The following STOML1 variants were observed in gnomAD, a reference collection of about 807,000 sequenced individuals.
STOML1 encodes stomatin-like protein 1.
A neutral mutation model predicts 35.7 loss-of-function variants in STOML1; 27 were observed. The ratio of observed to expected loss-of-function variants is 0.76; its 90% CI spans 0.56 to 1.04. The LOEUF (loss-of-function observed/expected upper bound fraction) is 1.04, where lower values mean the gene tolerates loss of function less well. Among genes scored for constraint, STOML1 ranks in the 50% least tolerant of loss-of-function variants. The probability of loss-of-function intolerance (pLI) is 0.00; values close to 1 mark genes in which losing one functional copy is unlikely to be tolerated. For missense variants in STOML1, 451 were observed against 527.1 expected, an observed-to-expected ratio of 0.86 and a Z score of 1.41; for synonymous variants, 219 against 227.9, an observed-to-expected ratio of 0.96 and a Z score of 0.35.
In STOML1 at chr15:73,983,891, T is replaced by G; in HGVS notation, c.*46A>C. ...TCCTCCTCCAAGAGGCCCCTCAGGC[T>G]TGGTGCCAGGCTTGGGACTGGGCTC... On this transcript the variant is annotated 3_prime_UTR_variant, in exon 7 of 7. Coordinates refer to ENST00000541638, the MANE Select transcript of STOML1 (RefSeq NM_004809.5). The G allele has an allele frequency of 6.4e-7, 1 of 1,570,854 alleles. No homozygotes were observed. The highest frequency in any genetic ancestry group is 8.7e-7 in the Non-Finnish European group (1 of 1,155,766).
intron 1 of STOML1, among the ~76,000 whole-genome samples, 187 bp from the exon 2 acceptor site, chr15:73,990,644 C>T (rs2069244974): frequency 6.6e-6 from 1 of 152,212 alleles, no homozygotes; most frequent in African/African-American, 2.4e-5. Context: ...TCTGTTCCCT[C>T]CTCCCATACA....
At chr15:73,990,185 A>G in intron 2 of STOML1, 166 bp downstream of exon 2, 1 of 648,866 alleles carries the variant, frequency 1.5e-6, no homozygotes, top group South Asian at 1.9e-5. Context: ...CCCAAGCCTT[A>G]GTTTCCTCCC....
upstream of STOML1, chr15:73,994,554 A>C (rs1447256564): frequency 1.8e-6 from 1 of 560,518 alleles, no homozygotes; most frequent in Non-Finnish European, 3.2e-6. Context: ...GCTTTACCGT[A>C]AGTCAGCGGT....
upstream of STOML1, chr15:73,994,611 C>T: frequency 1.6e-6 from 1 of 630,502 alleles, no homozygotes; most frequent in South Asian, 1.9e-5. Flanking sequence ...CTGGGCGTGT[C>T]TTTAAAACCC....
chr15:73,990,439 G>A lies in STOML1; in HGVS notation c.152C>T (p.Pro51Leu). The change falls in exon 2 of 7, where the codon CCC becomes CTC. Residue 51 changes from proline to leucine, a missense_variant. Pro to Leu is a moderately conservative substitution (Grantham distance 98). Coordinates refer to ENST00000541638, the MANE Select transcript of STOML1 (RefSeq NM_004809.5). ...GATGAGGCCATGACAGAGGCAGGAG[G>A]GCCAGCTCTGGGGTACATCTGCAGG... ...GTGADVPQSW[P>L]SCLCHGLISF... 3 of 1,613,448 alleles carry A rather than the reference G, an allele frequency of 1.9e-6. No homozygotes were observed. Among genetic ancestry groups the A allele is most frequent in the Non-Finnish European group, 2.5e-6 (3 of 1,179,670 alleles).
At chr15:73,991,148 CA>C (rs955107633) in intron 1 of STOML1, 90 of 381,844 alleles carry the variant, frequency 2.4e-4, no homozygotes, top group South Asian at 4.3e-4. Flanking sequence ...AAAACAAAAA[CA>C]AAAAAAAACC....
In STOML1 at chr15:73,986,843, GGAGCTA is replaced by G. The variant is rs201213016; in HGVS notation, c.595-1336_595-1331del. 221 of 153,668 alleles carry G rather than the reference GGAGCTA, an allele frequency of 1.4e-3. 7 individuals are homozygous for G. The East Asian group carries it at 0.037, about 26-fold the overall frequency. 9.5% of individuals were successfully genotyped at this position (153,668 alleles called of 1,614,324 possible). ...AGAAGAAAAGGGGAGAAAGGGAGTGGGAGCTAGAGGGCACTGTGGCAAAGGGAGGGC... is the reference window on the plus strand; with the variant it reads ...AGAAGAAAAGGGGAGAAAGGGAGTGGGAGGGCACTGTGGCAAAGGGAGGGC... On this transcript the variant is annotated intron_variant, in intron 4 of 6. Coordinates refer to ENST00000541638, the MANE Select transcript of STOML1 (RefSeq NM_004809.5).
chr15:73,989,656 T>G (rs2069204288), intron 2 of STOML1, among the ~76,000 whole-genome samples: 1 of 152,194 alleles, frequency 6.6e-6, no homozygotes, highest in Non-Finnish European at 1.5e-5. Context: ...GAAAGGGCTT[T>G]GTCAACTTTA....
chr15:73,983,873 C>A lies in STOML1; in HGVS notation c.*64G>T, dbSNP rs2069000380. 7 of 1,531,834 alleles carry A rather than the reference C, an allele frequency of 4.6e-6. No individual in the cohort carries two copies. Among genetic ancestry groups the A allele is most frequent in the Admixed American group, 2.0e-5 (1 of 49,452 alleles). The allele number at this position is 1,531,834 out of a possible 1,614,324, so 94.9% of individuals were successfully genotyped here. On this transcript the variant is annotated 3_prime_UTR_variant, in exon 7 of 7. Coordinates refer to ENST00000541638, the MANE Select transcript of STOML1 (RefSeq NM_004809.5). Reference sequence around the variant, plus strand: ...GTGGTGCAGATGAACACCTCCTCCTCCAAGAGGCCCCTCAGGCTTGGTGCC... The same window carrying A: ...GTGGTGCAGATGAACACCTCCTCCTACAAGAGGCCCCTCAGGCTTGGTGCC...
rs1414161358 is a variant in STOML1, at chr15:73,979,335, G to A, written c.*4602C>T. 1 of 152,080 alleles carries A rather than the reference G, an allele frequency of 6.6e-6. No homozygotes were observed. Among genetic ancestry groups the A allele is most frequent in the African/African-American group, 2.4e-5 (1 of 41,422 alleles). The allele number at this position is 152,080 out of a possible 1,614,324, so 9.4% of individuals were successfully genotyped here. A position where few individuals can be genotyped will look rare whatever the true frequency, so the allele number is the denominator to read the frequency against. On this transcript the variant is annotated 3_prime_UTR_variant, in exon 7 of 7. Coordinates refer to ENST00000541638, the MANE Select transcript of STOML1 (RefSeq NM_004809.5). ...TCACATTTGTCAAAGCACCTCAGAT[G>A]ACACTTTTTATTTTATCTTTATTTA...
intron 5 of STOML1, 44 bp downstream of exon 5, chr15:73,985,274 C>T: frequency 6.7e-7 from 1 of 1,499,094 alleles, no homozygotes. Flanking sequence ...TGTGCTGGCA[C>T]CAAGCTGGTA....
chr15:73,984,080 C>A lies in STOML1; in HGVS notation c.1054G>T (p.Val352Leu). Residue 352 changes from valine (V) to leucine (L), a missense_variant, in exon 7 of 7, where the codon GTG (valine) becomes TTG (leucine). Physicochemically the swap from Val to Leu is conservative, Grantham distance 32. Coordinates refer to ENST00000541638, the MANE Select transcript of STOML1 (RefSeq NM_004809.5). ...GVPDGIPDVV[V>L]EMAEADLRAL... ...CGCAGGTCTGCCTCGGCCATCTCCA[C>A]CACCACATCAGGGATGCCATCAGGC... The A allele has an allele frequency of 6.2e-7, 1 of 1,614,026 alleles. No individual in the cohort carries two copies. The highest frequency in any genetic ancestry group is 8.5e-7 in the Non-Finnish European group (1 of 1,179,998).
Position 73,990,456 on chromosome 15 carries a change from A to C in STOML1, c.135T>G (p.Asp45Glu), listed in dbSNP as rs2069236680. Residue 45 changes from aspartate to glutamate, a missense_variant and splice_region_variant, in exon 2 of 7, where the codon GAT (aspartate) becomes GAG (glutamate). Physicochemically the swap from Asp to Glu is conservative, Grantham distance 45. Transcript: ENST00000541638. ...PERGGVGTGADVPQSWPSCLC... is the reference protein window; with the variant it reads ...PERGGVGTGAEVPQSWPSCLC... ...GGCAGGAGGGCCAGCTCTGGGGTAC[A>C]TCTGCAGGTGAGAGCAGAGGTGGTC... 1.2e-6 allele frequency: 2 copies of C among 1,610,132 alleles called. No individual in the cohort carries two copies. Among genetic ancestry groups the C allele is most frequent in the South Asian group, 2.2e-5 (2 of 90,508 alleles).
At position 73,989,199 on chromosome 15, in the gene STOML1, T is replaced by G. The variant is rs750136013; in HGVS notation, c.299A>C (p.Gln100Pro). 6.2e-7 allele frequency: 1 copy of G among 1,612,332 alleles called. No individual in the cohort carries two copies. Among genetic ancestry groups the G allele is most frequent in the South Asian group, 1.1e-5 (1 of 90,842 alleles). ...CAAGAGCAGAACCATGCCAGGTCCCTGGGGGGTGCGGATCCGGCCCAGGCG... is the reference window on the plus strand; with the variant it reads ...CAAGAGCAGAACCATGCCAGGTCCCGGGGGGGTGCGGATCCGGCCCAGGCG... ...VFRLGRIRTPQGPGMVLLLPF... is the reference protein window; with the variant it reads ...VFRLGRIRTPPGPGMVLLLPF... Residue 100 changes from glutamine (Q) to proline (P), a missense_variant, in exon 3 of 7, where the codon CAG becomes CCG. Physicochemically the swap from Gln to Pro is moderately conservative, Grantham distance 76. Transcript: ENST00000541638.
rs1298985883 is a variant in STOML1 at position 73,985,393 on chromosome 15, G to A, written c.715C>T (p.Leu239Phe). Residue 239 changes from leucine (L) to phenylalanine (F), a missense_variant, in exon 5 of 7, where the codon CTC becomes TTC. Coordinates refer to ENST00000541638, the MANE Select transcript of STOML1 (RefSeq NM_004809.5). ...SPAGPNLDST[L>F]QQLALHFLGG... ...AGGAAGTGCAGGGCCAGCTGCTGGAGGGTGCTGTCCAGGTTGGGCCCAGCT... is the reference window on the plus strand; with the variant it reads ...AGGAAGTGCAGGGCCAGCTGCTGGAAGGTGCTGTCCAGGTTGGGCCCAGCT... The A allele has an allele frequency of 6.4e-7, 1 of 1,559,614 alleles. No individual in the cohort carries two copies. The highest frequency in any genetic ancestry group is 8.6e-7 in the Non-Finnish European group (1 of 1,160,060).
At chr15:73,990,272 G>A (rs1345297835) in intron 2 of STOML1, 79 bp downstream of exon 2, 2 of 1,301,808 alleles carry the variant, frequency 1.5e-6, no homozygotes, top group Admixed American at 1.9e-5. Context: ...AGGGGACAGA[G>A]GATAGGCAAA....
chr15:73,992,060 C>G (rs1271717828), intron 1 of STOML1, 31 bp downstream of exon 1: 2 of 1,542,408 alleles, frequency 1.3e-6, no homozygotes, highest in South Asian at 1.2e-5. Flanking sequence ...GCCGGTCCCC[C>G]CCGGCTCCGC....
intron 1 of STOML1, 126 bp downstream of exon 1, chr15:73,991,965 C>G: frequency 7.3e-7 from 1 of 1,364,814 alleles, no homozygotes; most frequent in East Asian, 2.5e-5. Flanking sequence ...ACATCGTATC[C>G]CTTTCTCAGT....
rs1219315017 is a variant in STOML1, at chr15:73,981,459, A to G, written c.*2478T>C. On this transcript the variant is annotated 3_prime_UTR_variant, in exon 7 of 7. Coordinates refer to ENST00000541638, the MANE Select transcript of STOML1 (RefSeq NM_004809.5). Reference sequence around the variant, plus strand: ...ATCATTATTCACCAGGTTATCTTGAAGAAAAATATAATAAGAAGTGTCTAG... The same window carrying G: ...ATCATTATTCACCAGGTTATCTTGAGGAAAAATATAATAAGAAGTGTCTAG... 1 of 152,240 alleles carries G rather than the reference A, an allele frequency of 6.6e-6. No individual in the cohort carries two copies. Among genetic ancestry groups the G allele is most frequent in the East Asian group, 1.9e-4 (1 of 5,206 alleles). The allele number at this position is 152,240 out of a possible 1,614,324, so 9.4% of individuals were successfully genotyped here. A position where few individuals can be genotyped will look rare whatever the true frequency, so the allele number is the denominator to read the frequency against.
Sources: allele counts gnomAD v4.1 joint callset (sites outside exome capture counted in the v4.1 genomes callset), GRCh38; gene constraint gnomAD v4.1.1; transcripts MANE v1.5; gene names NCBI Gene and HGNC (gene_info 2026-07-23, HGNC 2026-07-21).